The following KRT75 variants were observed in gnomAD, a reference collection of about 807,000 sequenced individuals.
KRT75 encodes keratin, type II cytoskeletal 75.
KRT75 carries 35 observed loss-of-function variants against 48.8 expected under a neutral mutation model. The observed-to-expected ratio is 0.72, with a 90% confidence interval of 0.55 to 0.95. The LOEUF (loss-of-function observed/expected upper bound fraction) is 0.95, where lower values mean the gene tolerates loss of function less well. Among genes scored for constraint, KRT75 ranks in the 40% least tolerant of loss-of-function variants. KRT75 has a pLI of 0.00. For missense variants in KRT75, 776 were observed against 709.9 expected, an observed-to-expected ratio of 1.09 and a Z score of -1.06; for synonymous variants, 301 against 282.3, an observed-to-expected ratio of 1.07 and a Z score of -0.66.
chr12:52,430,824 G>T (rs928880215), intron 4 of KRT75, 119 bp from the exon 5 acceptor site: 43 of 1,133,172 alleles, frequency 3.8e-5, no homozygotes, highest in Non-Finnish European at 5.7e-5. Context: ...GATTCTCCCA[G>T]CTATTCCCTA....
At chr12:52,431,816 C>A (rs1940148475) in intron 3 of KRT75, among the ~76,000 whole-genome samples, 178 bp from the exon 4 acceptor site, 1 of 152,154 alleles carries the variant, frequency 6.6e-6, no homozygotes. Flanking sequence ...ATTCCCTGAG[C>A]TCACAGAAAC....
At chr12:52,426,459 C>T (rs1192011590) in intron 8 of KRT75, among the ~76,000 whole-genome samples, 2 of 152,184 alleles carry the variant, frequency 1.3e-5, no homozygotes, top group East Asian at 1.9e-4. Flanking sequence ...TCATAAATCC[C>T]GTCTACATCA....
chr12:52,428,267 G>C lies in KRT75; in HGVS notation c.1371C>G (p.Gly457=). Residue 457 remains glycine, a synonymous_variant, in exon 7 of 9, where the codon GGC becomes GGG. Coordinates refer to ENST00000252245, the MANE Select transcript of KRT75 (RefSeq NM_004693.3). ...EIATYRKLLE[G]EECRLSGEGV... is the part of the protein sequence containing the mutation. ...TGCATCTGCCTCACCTGCACTCCTC[G>C]CCTTCCAGCAGCTTGCGGTAGGTGG... is the stretch of plus-strand genomic sequence containing the variant. 1 of 1,613,994 alleles carries C rather than the reference G, an allele frequency of 6.2e-7. No homozygotes were observed. The highest frequency in any genetic ancestry group is 8.5e-7 in the Non-Finnish European group (1 of 1,180,032).
intron 8 of KRT75, among the ~76,000 whole-genome samples, chr12:52,426,231 C>A (rs906420810): frequency 6.6e-6 from 1 of 152,188 alleles, no homozygotes; most frequent in African/African-American, 2.4e-5. Flanking sequence ...TTGTTAATAC[C>A]TCTCCTGTTT....
intron 4 of KRT75, among the ~76,000 whole-genome samples, 195 bp downstream of exon 4, chr12:52,431,348 C>A (rs1346798221): frequency 2.0e-5 from 3 of 152,136 alleles, no homozygotes; most frequent in Non-Finnish European, 4.4e-5. Flanking sequence ...GGGGGAGAAG[C>A]ATCAGAGCTG....
At position 52,424,309 on chromosome 12, in the gene KRT75, A is replaced by G; in HGVS notation, c.*208T>C. Reference sequence around the variant, plus strand: ...TTAGGAGAGAGCAGGCTTTGGTTTCACATGTGTAACAGACGGGTGCTGCTG... The same window carrying G: ...TTAGGAGAGAGCAGGCTTTGGTTTCGCATGTGTAACAGACGGGTGCTGCTG... On this transcript the variant is annotated 3_prime_UTR_variant, in exon 9 of 9. Coordinates refer to ENST00000252245, the MANE Select transcript of KRT75 (RefSeq NM_004693.3). The G allele has an allele frequency of 1.5e-6, 1 of 681,588 alleles. No homozygotes were observed. Among genetic ancestry groups the G allele is most frequent in the Non-Finnish European group, 2.7e-6 (1 of 375,846 alleles). 42.2% of individuals were successfully genotyped at this position (681,588 alleles called of 1,614,324 possible).
At chr12:52,432,963 T>C in intron 2 of KRT75, 75 bp downstream of exon 2, 1 of 1,474,162 alleles carries the variant, frequency 6.8e-7, no homozygotes, top group Non-Finnish European at 9.5e-7. Context: ...CATTTGCTCC[T>C]TTGCACCTCT....
chr12:52,429,128 A>T (rs999637246), intron 5 of KRT75, among the ~76,000 whole-genome samples: 4 of 152,126 alleles, frequency 2.6e-5, no homozygotes, highest in African/African-American at 9.7e-5. Context: ...CATTCCAGAC[A>T]AAGGAAACAG....
Position 52,430,654 on chromosome 12 carries a change from T to C in KRT75, c.922A>G (p.Met308Val), listed in dbSNP as rs752473085. ...QVGDTSVVLS[M>V]DNNRNLDLDS... is the part of the protein sequence containing the mutation. ...AGGTCCAGGTTGCGGTTGTTGTCCA[T>C]GGACAGCACCACGGATGTGTCACCG... The change falls in exon 5 of 9, where the codon ATG (methionine) becomes GTG (valine). Residue 308 changes from methionine (M) to valine (V), a missense_variant. By Grantham distance (21) the Met-to-Val change is conservative. Transcript: ENST00000252245. 2 of 1,614,190 alleles carry C rather than the reference T, an allele frequency of 1.2e-6. No homozygotes were observed. The highest frequency in any genetic ancestry group is 1.3e-5 in the African/African-American group (1 of 75,062).
At chr12:52,433,739 C>T (rs1037829591) in intron 1 of KRT75, 68 bp downstream of exon 1, 1 of 1,608,594 alleles carries the variant, frequency 6.2e-7, no homozygotes. Context: ...GCTCTCCCCC[C>T]ATGGGATGGC....
chr12:52,424,886 C>T, intron 8 of KRT75, 131 bp from the exon 9 acceptor site: 2 of 761,346 alleles, frequency 2.6e-6, no homozygotes, highest in Non-Finnish European at 4.7e-6. Flanking sequence ...TGCCTCCTTC[C>T]AATGTCCCCT....
chr12:52,426,701 G>A (rs769755081), intron 8 of KRT75, 116 bp downstream of exon 8: 13 of 1,053,240 alleles, frequency 1.2e-5, no homozygotes, highest in South Asian at 2.5e-5. Flanking sequence ...CCAAATGAAC[G>A]CTGTCTGTGA....
At position 52,433,902 on chromosome 12, in the gene KRT75, G is replaced by C. The variant is rs1162817697; in HGVS notation, c.403C>G (p.His135Asp). 1.2e-6 allele frequency: 2 copies of C among 1,614,078 alleles called. No homozygotes were observed. The highest frequency in any genetic ancestry group is 2.2e-5 in the South Asian group (2 of 91,086). The change falls in exon 1 of 9, where the codon CAC (histidine) becomes GAC (aspartate). Residue 135 changes from histidine (H) to aspartate (D), a missense_variant. His to Asp is a moderately conservative substitution (Grantham distance 81). Transcript: ENST00000252245. ...TGGATGGTGGGGTCGATTTGCAGGT[G>C]AAGAGGAGTCAGGAGACTCTGGTTG... ...TVNQSLLTPL[H>D]LQIDPTIQRV...
intron 5 of KRT75, 100 bp from the exon 6 acceptor site, chr12:52,428,843 C>T: frequency 2.2e-6 from 3 of 1,391,716 alleles, no homozygotes; most frequent in Non-Finnish European, 3.1e-6. Context: ...CAGGCTCATT[C>T]ATTCCTGGTC....
rs1328524365 is a variant in KRT75 at position 52,432,050 on chromosome 12, T to G, written c.730A>C (p.Asn244His). 6.2e-7 allele frequency: 1 copy of G among 1,614,218 alleles called. No homozygotes were observed. The highest frequency in any genetic ancestry group is 8.5e-7 in the Non-Finnish European group (1 of 1,180,042). ...DFKVRYEDEI[N>H]KRTAAENEFV... ...TCATTCTCAGCAGCTGTGCGCTTGT[T>G]AATTTCATCTTCGTACCTATAAGGA... Residue 244 changes from asparagine (N) to histidine (H), a missense_variant, in exon 3 of 9, where the codon AAC becomes CAC. Coordinates refer to ENST00000252245, the MANE Select transcript of KRT75 (RefSeq NM_004693.3).
At position 52,424,417 on chromosome 12, in the gene KRT75, A is replaced by C; in HGVS notation, c.*100T>G. ...CAGTACTCCAGGCTCCCAGCAGCACAGGTGCACCTTACAAGGAGAGAGGAA... is the reference window on the plus strand; with the variant it reads ...CAGTACTCCAGGCTCCCAGCAGCACCGGTGCACCTTACAAGGAGAGAGGAA... On this transcript the variant is annotated 3_prime_UTR_variant, in exon 9 of 9. Coordinates refer to ENST00000252245, the MANE Select transcript of KRT75 (RefSeq NM_004693.3). 4.2e-5 allele frequency: 44 copies of C among 1,041,344 alleles called. No homozygotes were observed. The highest frequency in any genetic ancestry group is 5.8e-5 in the Non-Finnish European group (38 of 658,828). The allele number at this position is 1,041,344 out of a possible 1,614,324, so 64.5% of individuals were successfully genotyped here.
rs777664861 is a variant in KRT75, at chr12:52,424,593, CG to C, written c.1579del (p.Arg527GlyfsTer3). 6 of 1,614,036 alleles carry C rather than the reference CG, an allele frequency of 3.7e-6. No homozygotes were observed. In the South Asian group the frequency reaches 6.6e-5, roughly 18 times the overall value. On this transcript the variant is annotated frameshift_variant, in exon 9 of 9. Transcript: ENST00000252245. LOFTEE classifies it high-confidence loss of function. ...GCTAGAACCACTGCCCCCTAAGCCC[CG>C]GTTGCTGGTGGCACTGAATCCAGAA... ...GGSGFSATSNRGLGGSGSSVK... is the reference protein window; with the variant it reads ...GGSGFSATSNXGLGGSGSSVK...
chr12:52,427,817 G>A (rs769580156), intron 7 of KRT75, among the ~76,000 whole-genome samples: 4 of 152,126 alleles, frequency 2.6e-5, no homozygotes, highest in South Asian at 2.1e-4. Flanking sequence ...GAAGCTTTGC[G>A]GATCATGTAA....
rs767325223 is a variant in KRT75, at chr12:52,430,621, T to A, written c.955A>T (p.Ile319Phe). ...DNNRNLDLDS[I>F]IAEVKAQYED... Reference sequence around the variant, plus strand: ...TATTGTGCTTTGACCTCGGCGATGATACTATCCAGGTCCAGGTTGCGGTTG... The same window carrying A: ...TATTGTGCTTTGACCTCGGCGATGAAACTATCCAGGTCCAGGTTGCGGTTG... The change falls in exon 5 of 9, where the codon ATC (isoleucine) becomes TTC (phenylalanine). Residue 319 changes from isoleucine to phenylalanine, a missense_variant. Physicochemically the swap from Ile to Phe is conservative, Grantham distance 21. Coordinates refer to ENST00000252245, the MANE Select transcript of KRT75 (RefSeq NM_004693.3). The A allele has an allele frequency of 6.8e-6, 11 of 1,614,058 alleles. No homozygotes were observed. Among genetic ancestry groups the A allele is most frequent in the African/African-American group, 1.3e-5 (1 of 74,918 alleles).
Sources: gnomAD v4.1 joint callset for allele counts (sites outside exome capture counted in the v4.1 genomes callset) on GRCh38, gnomAD v4.1.1 for gene constraint, MANE v1.5 for transcripts, NCBI Gene and HGNC (gene_info 2026-07-23, HGNC 2026-07-21) for gene names.